The following RAPGEF2 variants were observed in gnomAD, a reference collection of about 807,000 sequenced individuals.
RAPGEF2 encodes PDZ domain containing guanine nucleotide exchange factor (GEF) 1.
A neutral mutation model predicts 186.7 loss-of-function variants in RAPGEF2; 54 were observed. The ratio of observed to expected loss-of-function variants is 0.29; its 90% CI spans 0.23 to 0.36. The LOEUF is 0.36. Among genes scored for constraint, RAPGEF2 ranks in the 10% least tolerant of loss-of-function variants. The probability of loss-of-function intolerance (pLI) is 1.00; values close to 1 mark genes in which losing one functional copy is unlikely to be tolerated. For missense variants in RAPGEF2, 1,532 were observed against 2,045.0 expected (o/e 0.75, Z 4.84); for synonymous variants, 712 against 705.9 (o/e 1.01, Z -0.14).
At chr4:159,166,805 G>A (rs1360752354) in intron 1 of RAPGEF2, among the ~76,000 whole-genome samples, 1 of 152,172 alleles carries the variant, frequency 6.6e-6, no homozygotes, top group Non-Finnish European at 1.5e-5. Flanking sequence ...GATGAGATTA[G>A]AGAAGGGGTC....
chr4:159,235,622 A>G (rs1190277784), intron 4 of RAPGEF2, among the ~76,000 whole-genome samples: 2 of 152,090 alleles, frequency 1.3e-5, no homozygotes, highest in African/African-American at 4.8e-5. Flanking sequence ...ATTGTTCTTT[A>G]TATTGTCTGT....
At chr4:159,249,273 TAA>T (rs931305787) in intron 7 of RAPGEF2, among the ~76,000 whole-genome samples, 3 of 148,736 alleles carry the variant, frequency 2.0e-5, no homozygotes, top group Admixed American at 6.8e-5. Context: ...ATGCTGATTT[TAA>T]AAAAAGTCTC....
intron 1 of RAPGEF2, among the ~76,000 whole-genome samples, chr4:159,106,555 A>G (rs1297664889): frequency 6.6e-6 from 1 of 152,250 alleles, no homozygotes; most frequent in Non-Finnish European, 1.5e-5. Context: ...ACCATGTTAA[A>G]TAAGCTTGAT....
chr4:159,171,695 T>A (rs1046323295), intron 1 of RAPGEF2, among the ~76,000 whole-genome samples: 2 of 152,056 alleles, frequency 1.3e-5, no homozygotes, highest in Admixed American at 6.6e-5. Context: ...TTTTTTTTTT[T>A]AAGAATCTTT....
At chr4:159,135,791 G>T (rs990766828) in intron 1 of RAPGEF2, among the ~76,000 whole-genome samples, 17 of 152,142 alleles carry the variant, frequency 1.1e-4, no homozygotes, top group African/African-American at 3.9e-4. Context: ...GAGAGATGGG[G>T]TTTCACCATG....
intron 1 of RAPGEF2, among the ~76,000 whole-genome samples, chr4:159,173,840 T>C (rs1042110557): frequency 2.0e-5 from 3 of 152,012 alleles, no homozygotes; most frequent in Non-Finnish European, 4.4e-5. Context: ...AGTGCAAATA[T>C]AGTATGTTAA....
chr4:159,195,881 T>TG (rs1554008095), intron 3 of RAPGEF2, among the ~76,000 whole-genome samples: 2 of 54,110 alleles, frequency 3.7e-5, no homozygotes, highest in African/African-American at 2.2e-4. Flanking sequence ...ACCTGTTTTT[T>TG]TTTTTTTTTT....
At chr4:159,241,584 AAG>A (rs1361939379) in intron 6 of RAPGEF2, among the ~76,000 whole-genome samples, 7 of 149,904 alleles carry the variant, frequency 4.7e-5, no homozygotes, top group Non-Finnish European at 7.4e-5. Flanking sequence ...TTATTATAGA[AAG>A]AGTAGATTTT....
chr4:159,209,734 A>G (rs187986359), intron 3 of RAPGEF2, among the ~76,000 whole-genome samples: 122 of 152,356 alleles, frequency 8.0e-4, no homozygotes, highest in Non-Finnish European at 1.4e-3. Context: ...ACCTAAGAAG[A>G]TTACTATGTA....
chr4:159,345,179 C>T lies in RAPGEF2; in HGVS notation c.3352C>T (p.Arg1118Cys), dbSNP rs760956543. 7 of 1,614,112 alleles carry T rather than the reference C, an allele frequency of 4.3e-6. No individual in the cohort carries two copies. The highest frequency in any genetic ancestry group is 3.3e-5 in the South Asian group (3 of 91,078). The change falls in exon 24 of 30, where the codon CGT (arginine) becomes TGT (cysteine). Residue 1118 changes from arginine (R) to cysteine (C), a missense_variant. This residue lies in a region of RAPGEF2 where 117 missense variants were observed against 180.8 expected (regional missense o/e 0.65). Coordinates refer to ENST00000691494, the MANE Select transcript of RAPGEF2 (RefSeq NM_001394067.2). The stretch of plus-strand genomic sequence containing the variant: ...GACAGGTGGTCATAAAAAGCGGGTA[C>T]GTCGTAGTTCCTTTCTCAATGCCAA... Reference protein sequence around the residue: ...AQTGGHKKRVRRSSFLNAKKL... With the variant: ...AQTGGHKKRVCRSSFLNAKKL...
chr4:159,174,575 G>C (rs990532410), intron 1 of RAPGEF2, among the ~76,000 whole-genome samples: 1 of 152,094 alleles, frequency 6.6e-6, no homozygotes, highest in African/African-American at 2.4e-5. Flanking sequence ...TTTAGGAATT[G>C]TTCAAAAACT....
intron 10 of RAPGEF2, 23 bp downstream of exon 10, chr4:159,322,506 T>G (rs1053367586): frequency 6.2e-7 from 1 of 1,604,202 alleles, no homozygotes; most frequent in Non-Finnish European, 8.5e-7. Context: ...TCCTACCACT[T>G]AAAAAGTTTC....
rs538346413 is a variant in RAPGEF2, at chr4:159,207,169, A to G, written c.198-3331A>G. Among the ~76,000 whole-genome samples the G allele has an allele frequency of 5.9e-5, 9 of 152,338 alleles. No individual in the cohort carries two copies. In the South Asian group the frequency reaches 1.9e-3, roughly 32 times the overall value. ...TTTGGGGAATGTAGAGAAACAGCCT[A>G]TCTATCAGATAAACAAAATTGTAAT... On this transcript the variant is annotated intron_variant, in intron 3 of 29. Coordinates refer to ENST00000691494, the MANE Select transcript of RAPGEF2 (RefSeq NM_001394067.2).
intron 29 of RAPGEF2, among the ~76,000 whole-genome samples, chr4:159,356,926 T>C (rs7678504): frequency 0.6 from 91,789 of 152,058 alleles, 28,770 homozygotes; most frequent in African/African-American, 0.73. Context: ...AAATGAAAAT[T>C]TCACAAGTTT....
chr4:159,324,413 G>A (rs947190684), intron 11 of RAPGEF2, among the ~76,000 whole-genome samples: 1 of 152,128 alleles, frequency 6.6e-6, no homozygotes, highest in African/African-American at 2.4e-5. Context: ...TACTTGAACT[G>A]CACGTAACTA....
chr4:159,131,519 A>ATTGTTTTTTTTTTTTTTTTTTTTT, intron 1 of RAPGEF2, among the ~76,000 whole-genome samples: 2 of 37,212 alleles, frequency 5.4e-5, no homozygotes, highest in Admixed American at 3.4e-4. Context: ...ATTAATTGCT[A>ATTGTTTTTTTTTTTTTTTTTTTTT]TTTTTTTTTT....
At position 159,331,794 on chromosome 4, in the gene RAPGEF2, T is replaced by G. The variant is rs766859241; in HGVS notation, c.1740T>G (p.Gly580=). ...FGIFVDSVDS[G]SKATEAGLKR... ...TCTTTGTTGACAGTGTAGATTCAGG[T>G]AGCAAAGCAACTGAAGCAGGCTTGA... is the stretch of plus-strand genomic sequence containing the variant. The change falls in exon 15 of 30, where the codon GGT becomes GGG. Residue 580 remains glycine, a synonymous_variant. Transcript: ENST00000691494. 3.1e-6 allele frequency: 5 copies of G among 1,614,064 alleles called. No homozygotes were observed. Among genetic ancestry groups the G allele is most frequent in the Non-Finnish European group, 4.2e-6 (5 of 1,179,990 alleles).
intron 1 of RAPGEF2, among the ~76,000 whole-genome samples, chr4:159,180,247 T>G (rs1263606383): frequency 6.6e-6 from 1 of 152,232 alleles, no homozygotes; most frequent in Non-Finnish European, 1.5e-5. Context: ...CTTCCTTTAA[T>G]TTGCATGTCT....
intron 5 of RAPGEF2, 47 bp downstream of exon 5, chr4:159,238,931 G>T: frequency 7.8e-7 from 1 of 1,278,506 alleles, no homozygotes; most frequent in Non-Finnish European, 1.0e-6. Context: ...AAAATTGTAT[G>T]AAATAAAGGC....
Sources: gnomAD v4.1 joint callset for allele counts (sites outside exome capture counted in the v4.1 genomes callset) on GRCh38, gnomAD v4.1.1 for gene constraint, gnomAD v4.1.1 regional missense constraint, MANE v1.5 for transcripts, NCBI Gene and HGNC (gene_info 2026-07-23, HGNC 2026-07-21) for gene names.